TENM2: variants seen among roughly 807,000 people sequenced by gnomAD.
The protein encoded by TENM2 is teneurin-2.
TENM2 carries 52 observed loss-of-function variants against 245.2 expected under a neutral mutation model. The observed-to-expected ratio is 0.21, with a 90% CI of 0.17 to 0.27. The LOEUF (loss-of-function observed/expected upper bound fraction) is 0.27, where lower values mean the gene tolerates loss of function less well. Among genes scored for constraint, TENM2 ranks in the 10% least tolerant of loss-of-function variants. The pLI, the probability that TENM2 is intolerant of heterozygous loss-of-function variation, is 1.00. For missense variants in TENM2, 3,046 were observed against 3,666.8 expected (o/e 0.83, Z 4.37); for synonymous variants, 1,363 against 1,438.9 (o/e 0.95, Z 1.19).
chr5:168,143,033 T>C (rs142212254), intron 12 of TENM2, among the ~76,000 whole-genome samples: 1 of 152,352 alleles, frequency 6.6e-6, no homozygotes, highest in African/African-American at 2.4e-5. Context: ...TCAAAAATAC[T>C]GTGCTTCCTA....
At chr5:167,474,573 G>T (rs1767245934) in intron 2 of TENM2, among the ~76,000 whole-genome samples, 2 of 150,960 alleles carry the variant, frequency 1.3e-5, no homozygotes, top group South Asian at 2.1e-4. Context: ...GAGTGCAGTG[G>T]CGTGATCATG....
intron 1 of TENM2, among the ~76,000 whole-genome samples, chr5:167,374,836 A>G (rs983586739): frequency 6.6e-5 from 10 of 152,298 alleles, no homozygotes; most frequent in African/African-American, 2.4e-4. Context: ...TAAAAAATAT[A>G]AAAGTTGCAA....
the TENM2 span, among the ~76,000 whole-genome samples, chr5:167,109,334 G>T: frequency 6.7e-6 from 1 of 150,348 alleles, no homozygotes; most frequent in African/African-American, 2.4e-5. Flanking sequence ...TGTTCACCGA[G>T]AAAAAGTAGT....
At chr5:167,196,472 A>T in the TENM2 span, among the ~76,000 whole-genome samples, 2 of 148,392 alleles carry the variant, frequency 1.3e-5, no homozygotes, top group Non-Finnish European at 3.0e-5. Flanking sequence ...ATATGTGTGT[A>T]TATATATATG....
intron 13 of TENM2, among the ~76,000 whole-genome samples, chr5:168,173,552 A>G (rs951611511): frequency 6.6e-6 from 1 of 152,010 alleles, no homozygotes; most frequent in African/African-American, 2.4e-5. Context: ...ACCTCTTGTC[A>G]TTGATGGCAA....
intron 2 of TENM2, among the ~76,000 whole-genome samples, chr5:167,394,246 A>G (rs1761926375): frequency 1.3e-5 from 2 of 152,264 alleles, no homozygotes; most frequent in Admixed American, 6.5e-5. Flanking sequence ...GGAGATTCAC[A>G]GTTTCAGGTC....
chr5:168,234,095 T>C (rs1315517355), intron 25 of TENM2, among the ~76,000 whole-genome samples: 1 of 151,986 alleles, frequency 6.6e-6, no homozygotes, highest in Admixed American at 6.6e-5. Context: ...AGGGTTTCTC[T>C]CTCGGCAGTT....
chr5:167,195,119 A>G, the TENM2 span, among the ~76,000 whole-genome samples: 1 of 152,056 alleles, frequency 6.6e-6, no homozygotes, highest in Non-Finnish European at 1.5e-5. Flanking sequence ...GAAAGCGGTA[A>G]AGGATCTCAG....
rs117688977 is a variant in TENM2, at chr5:168,040,115, C to T, written c.1187-7312C>T. On this transcript the variant is annotated intron_variant, in intron 5 of 28. Coordinates refer to ENST00000518659, the Ensembl canonical transcript of TENM2. ...GCTCCCTGATCCCAGAGCTGCCTCACGCAACTATCACCTTGTTCTCATGGC... is the reference window on the plus strand; with the variant it reads ...GCTCCCTGATCCCAGAGCTGCCTCATGCAACTATCACCTTGTTCTCATGGC... Among the ~76,000 whole-genome samples, 40 of 152,304 alleles carry T rather than the reference C, an allele frequency of 2.6e-4. No individual in the cohort carries two copies. In the East Asian group the frequency reaches 4.2e-3, roughly 16 times the overall value.
chr5:167,273,982 G>T, the TENM2 span, among the ~76,000 whole-genome samples: 1 of 151,976 alleles, frequency 6.6e-6, no homozygotes, highest in Non-Finnish European at 1.5e-5. Flanking sequence ...TATCCAATGG[G>T]CAATGACTAA....
At chr5:167,391,812 G>T (rs12659114) in intron 2 of TENM2, among the ~76,000 whole-genome samples, 7,087 of 152,050 alleles carry the variant, frequency 0.047, 342 homozygotes, top group East Asian at 0.21. Context: ...ATTAAGACTG[G>T]AACCTAGGAA....
chr5:167,735,531 C>G (rs1447497151), intron 2 of TENM2, among the ~76,000 whole-genome samples: 2 of 152,268 alleles, frequency 1.3e-5, no homozygotes, highest in Middle Eastern at 3.4e-3. Context: ...CCAGGAAGTT[C>G]TTTGACCAGG....
chr5:167,580,040 T>A (rs944566162), intron 2 of TENM2, among the ~76,000 whole-genome samples: 1 of 152,238 alleles, frequency 6.6e-6, no homozygotes, highest in Non-Finnish European at 1.5e-5. Context: ...TGAAACTGAA[T>A]GGATTACAAA....
intron 2 of TENM2, among the ~76,000 whole-genome samples, chr5:167,766,605 G>GATTC (rs1333404820): frequency 6.6e-5 from 10 of 152,164 alleles, no homozygotes; most frequent in African/African-American, 2.4e-4. Context: ...GGCCAGGCAT[G>GATTC]ATGGCTCATG....
intron 2 of TENM2, among the ~76,000 whole-genome samples, chr5:167,508,430 G>C (rs766441009): frequency 6.6e-6 from 1 of 152,172 alleles, no homozygotes; most frequent in African/African-American, 2.4e-5. Flanking sequence ...TTATAGTTTA[G>C]TTATGAGTGT....
the TENM2 span, among the ~76,000 whole-genome samples, chr5:167,030,734 G>A: frequency 6.6e-6 from 1 of 152,160 alleles, no homozygotes; most frequent in African/African-American, 2.4e-5. Flanking sequence ...CTACCAGCAG[G>A]GGGTGGGAGA....
At chr5:167,681,374 G>A (rs1756695296) in intron 2 of TENM2, among the ~76,000 whole-genome samples, 1 of 152,054 alleles carries the variant, frequency 6.6e-6, no homozygotes. Flanking sequence ...AACAGCTGCA[G>A]CTAATTTCAG....
At chr5:167,491,721 C>T (rs773147370) in intron 2 of TENM2, among the ~76,000 whole-genome samples, 4 of 152,098 alleles carry the variant, frequency 2.6e-5, no homozygotes, top group Non-Finnish European at 5.9e-5. Context: ...TTGAACAGTC[C>T]ACAAGGTGTT....
intron 20 of TENM2, 60 bp from the exon 23 acceptor site, chr5:168,214,980 A>T: frequency 1.4e-6 from 2 of 1,453,796 alleles, no homozygotes; most frequent in Non-Finnish European, 1.9e-6. Flanking sequence ...CATTCCTTTG[A>T]TCTAGGAGGC....
Sources: allele counts gnomAD v4.1 joint callset (sites outside exome capture counted in the v4.1 genomes callset), GRCh38; gene constraint gnomAD v4.1.1; transcripts MANE v1.5; gene names NCBI Gene and HGNC (gene_info 2026-07-23, HGNC 2026-07-21).